RBFOX3: variants seen among roughly 807,000 people sequenced by gnomAD.
The protein encoded by RBFOX3 is RNA binding fox-1 homolog 3.
A neutral mutation model predicts 48.7 loss-of-function variants in RBFOX3; 17 were observed. The observed-to-expected ratio is 0.35, with a 90% CI of 0.24 to 0.52. RBFOX3 has a LOEUF of 0.52. Ranked by LOEUF, RBFOX3 falls within the 20% of genes least tolerant of loss-of-function variation. The pLI, the probability that RBFOX3 is intolerant of heterozygous loss-of-function variation, is 0.94. For missense variants in RBFOX3, 382 were observed against 497.5 expected (o/e 0.77, Z 2.21); for synonymous variants, 212 against 209.5 (o/e 1.01, Z -0.10).
chr17:79,409,157 C>T (rs914153238), intron 2 of RBFOX3, among the ~76,000 whole-genome samples: 3 of 152,214 alleles, frequency 2.0e-5, no homozygotes, highest in South Asian at 2.1e-4. Context: ...GGTTTGTCCA[C>T]GTGGCAGTCT....
At chr17:79,270,731 C>T (rs4789986) in intron 3 of RBFOX3, among the ~76,000 whole-genome samples, 94,585 of 152,152 alleles carry the variant, frequency 0.62, 29,819 homozygotes, top group South Asian at 0.79. Context: ...TCCTCCTCCA[C>T]TGGGCCTAGG....
intron 2 of RBFOX3, among the ~76,000 whole-genome samples, chr17:79,462,853 C>G (rs566186667): frequency 1.3e-5 from 2 of 152,182 alleles, no homozygotes; most frequent in African/African-American, 2.4e-5. Context: ...CCAGACACAG[C>G]GGTTATCTGA....
Position 79,393,133 on chromosome 17 carries a change from G to C in RBFOX3, c.-174-85309C>G, listed in dbSNP as rs186751212. On this transcript the variant is annotated intron_variant, in intron 2 of 14. Transcript: ENST00000693108. The stretch of plus-strand genomic sequence containing the variant: ...ATATACACAATGAACTGTGATATGA[G>C]CAAGAGATAGAACATAGCAGAGTGC... Among the ~76,000 whole-genome samples, 16 of 152,354 alleles carry C rather than the reference G, an allele frequency of 1.1e-4. No homozygotes were observed. The East Asian group carries it at 2.9e-3, about 28-fold the overall frequency.
chr17:79,413,504 G>A (rs906284897), intron 2 of RBFOX3, among the ~76,000 whole-genome samples: 11 of 152,212 alleles, frequency 7.2e-5, no homozygotes, highest in African/African-American at 2.4e-4. Context: ...CAGCATCCCC[G>A]CTCCCACCCA....
chr17:79,165,156 C>T (rs1282139373), intron 4 of RBFOX3, among the ~76,000 whole-genome samples: 1 of 152,150 alleles, frequency 6.6e-6, no homozygotes, highest in Non-Finnish European at 1.5e-5. Context: ...GTCCTCTGCC[C>T]TCCAGCATCT....
At position 79,311,349 on chromosome 17, in the gene RBFOX3, C is replaced by T. The variant is rs560484880; in HGVS notation, c.-174-3525G>A. Among the ~76,000 whole-genome samples the T allele has an allele frequency of 6.6e-6, 1 of 151,086 alleles. No homozygotes were observed. The highest frequency in any genetic ancestry group is 2.0e-4 in the East Asian group (1 of 5,050). On this transcript the variant is annotated intron_variant, in intron 2 of 14. Transcript: ENST00000693108. The surrounding 1 kb of genome is among the most constrained non-coding windows in gnomAD (Gnocchi z 4.2). ...CCAGGAGGCTGAGGCAGGAGAATCA[C>T]TCGAACCTGGGAGGCAGAGGTTGCA...
chr17:79,272,099 C>T (rs974949650), intron 3 of RBFOX3, among the ~76,000 whole-genome samples: 4 of 152,238 alleles, frequency 2.6e-5, no homozygotes, highest in African/African-American at 7.2e-5. Context: ...CAGGAAAGGG[C>T]GAGGGGGAGG....
chr17:79,237,158 C>A (rs537053422), intron 3 of RBFOX3, among the ~76,000 whole-genome samples: 1 of 152,096 alleles, frequency 6.6e-6, no homozygotes, highest in Non-Finnish European at 1.5e-5. Flanking sequence ...TGTATGTGTG[C>A]GTATTTTTTA....
intron 4 of RBFOX3, among the ~76,000 whole-genome samples, chr17:79,219,172 T>C (rs1014510736): frequency 1.2e-4 from 18 of 152,202 alleles, no homozygotes; most frequent in African/African-American, 4.3e-4. Context: ...GCAGGGTAGA[T>C]TGTGTCTGGA....
intron 4 of RBFOX3, among the ~76,000 whole-genome samples, chr17:79,197,390 T>C (rs2055840069): frequency 1.4e-4 from 1 of 6,934 alleles, no homozygotes; most frequent in Admixed American, 2.0e-3. Context: ...CTTTCTTTCT[T>C]TTTTTTTTTT....
rs113326207 is a variant in RBFOX3 at position 79,413,290 on chromosome 17, TCC to T, written c.-175+69162_-175+69163del. On this transcript the variant is annotated intron_variant, in intron 2 of 14. Coordinates refer to ENST00000693108, the MANE Select transcript of RBFOX3 (RefSeq NM_001350451.2). ...TTACAAAGGCTGCACTTTCTCAATT[TCC>T]GTGACTTAGACTCCAAATTATCCCA... Among the ~76,000 whole-genome samples the T allele has an allele frequency of 1.7e-3, 262 of 152,304 alleles. 3 individuals are homozygous for T. The highest frequency in any genetic ancestry group is 6.0e-3 in the African/African-American group (251 of 41,552).
rs141921006 is a variant in RBFOX3 at position 79,297,523 on chromosome 17, G to A, written c.-74+10201C>T. Among the ~76,000 whole-genome samples the A allele has an allele frequency of 1.6e-4, 25 of 152,372 alleles. No individual in the cohort carries two copies. In the East Asian group the frequency reaches 4.8e-3, roughly 29 times the overall value. ...CAGCAATCCCAGGGTCCCAGGAGCA[G>A]GCTGGGCTCTGGCCTCCAGGAGAAA... On this transcript the variant is annotated intron_variant, in intron 3 of 14. Transcript: ENST00000693108.
intron 2 of RBFOX3, among the ~76,000 whole-genome samples, chr17:79,315,807 T>C (rs2145840424): frequency 1.3e-5 from 2 of 152,286 alleles, no homozygotes; most frequent in East Asian, 1.9e-4. Context: ...GAAATGTTAA[T>C]GGAGACGCTT....
chr17:79,108,264 C>T (rs2077796690), intron 5 of RBFOX3, among the ~76,000 whole-genome samples: 1 of 152,152 alleles, frequency 6.6e-6, no homozygotes, highest in Admixed American at 6.5e-5. Context: ...GACTGGGGTC[C>T]CTTAGAGGCC....
At chr17:79,511,017 C>A (rs915218861) in intron 1 of RBFOX3, among the ~76,000 whole-genome samples, 14 of 152,164 alleles carry the variant, frequency 9.2e-5, no homozygotes, top group Admixed American at 9.2e-4. Context: ...CTGAGGCTGC[C>A]CCCCAGAACC....
At chr17:79,539,214 T>C (rs2089315571) in intron 1 of RBFOX3, among the ~76,000 whole-genome samples, 1 of 152,114 alleles carries the variant, frequency 6.6e-6, no homozygotes, top group African/African-American at 2.4e-5. Flanking sequence ...TAGCAGGGCA[T>C]GGTGGCACAT....
rs560319438 is a variant in RBFOX3 at position 79,408,227 on chromosome 17, G to A, written c.-175+74227C>T. On this transcript the variant is annotated intron_variant, in intron 2 of 14. Coordinates refer to ENST00000693108, the MANE Select transcript of RBFOX3 (RefSeq NM_001350451.2). ...AGACACACACTCGATGGCTGGGTCT[G>A]CAGGGGCTCTTACTAAATGATCTCT... 2.0e-5 allele frequency among the ~76,000 whole-genome samples: 3 copies of A among 152,306 alleles called. No homozygotes were observed. The South Asian group carries it at 6.2e-4, about 32-fold the overall frequency.
intron 3 of RBFOX3, among the ~76,000 whole-genome samples, chr17:79,271,144 C>T (rs1452938959): frequency 1.3e-5 from 2 of 150,956 alleles, no homozygotes; most frequent in Admixed American, 6.6e-5. Flanking sequence ...GGTGCGATCT[C>T]GGCTCACTGC....
intron 1 of RBFOX3, among the ~76,000 whole-genome samples, chr17:79,577,904 G>A (rs968746842): frequency 6.6e-6 from 1 of 152,232 alleles, no homozygotes; most frequent in African/African-American, 2.4e-5. Context: ...TGCGAGGGTG[G>A]CTCTGAACCA....
Sources: gnomAD v4.1 joint callset for allele counts (sites outside exome capture counted in the v4.1 genomes callset) on GRCh38, gnomAD v4.1.1 for gene constraint, Gnocchi (gnomAD v3.1) non-coding constraint, MANE v1.5 for transcripts, NCBI Gene and HGNC (gene_info 2026-07-23, HGNC 2026-07-21) for gene names.